ADGRL3: variants seen among roughly 807,000 people sequenced by gnomAD.
ADGRL3 encodes the protein calcium-independent alpha-latrotoxin receptor 3.
Under a neutral mutation model 153.5 loss-of-function variants are expected in ADGRL3, and 62 were observed. That is an observed-to-expected ratio of 0.40 (90% CI 0.33 to 0.50). The LOEUF (loss-of-function observed/expected upper bound fraction) is 0.50, where lower values mean the gene tolerates loss of function less well. Among genes scored for constraint, ADGRL3 ranks in the 20% least tolerant of loss-of-function variants. The probability of loss-of-function intolerance (pLI) is 0.47; values close to 1 mark genes in which losing one functional copy is unlikely to be tolerated. For missense variants in ADGRL3, 1,641 were observed against 1,859.4 expected (o/e 0.88, Z 2.16); for synonymous variants, 710 against 672.5 (o/e 1.06, Z -0.86).
intron 2 of ADGRL3, among the ~76,000 whole-genome samples, chr4:61,494,282 A>G (rs897585963): frequency 1.3e-5 from 2 of 152,128 alleles, no homozygotes; most frequent in Non-Finnish European, 2.9e-5. Flanking sequence ...TTGTGTATGC[A>G]CGTGTATGTG....
intron 9 of ADGRL3, among the ~76,000 whole-genome samples, chr4:61,835,562 A>T (rs768524433): frequency 2.0e-4 from 30 of 152,268 alleles, no homozygotes; most frequent in Non-Finnish European, 3.5e-4. Flanking sequence ...GACTTTAGCC[A>T]CATCAAGTAG....
At chr4:61,949,760 C>T (rs2098940012) in intron 17 of ADGRL3, among the ~76,000 whole-genome samples, 1 of 151,912 alleles carries the variant, frequency 6.6e-6, no homozygotes, top group African/African-American at 2.4e-5. Context: ...AAGTTAAATT[C>T]AATTTCATAT....
intron 1 of ADGRL3, among the ~76,000 whole-genome samples, chr4:61,322,732 T>C (rs2095385896): frequency 6.6e-6 from 1 of 152,236 alleles, no homozygotes; most frequent in Non-Finnish European, 1.5e-5. Context: ...GCTCCACCCC[T>C]GTGGCTTTTC....
chr4:62,006,379 G>T (rs2099159343), intron 21 of ADGRL3, among the ~76,000 whole-genome samples: 1 of 151,908 alleles, frequency 6.6e-6, no homozygotes, highest in African/African-American at 2.4e-5. Context: ...AGGGTTTTTG[G>T]CTTGGGGTAC....
chr4:61,358,745 C>T (rs1560515648), intron 1 of ADGRL3, among the ~76,000 whole-genome samples: 1 of 152,082 alleles, frequency 6.6e-6, no homozygotes, highest in Non-Finnish European at 1.5e-5. Context: ...CCTCTCTAAT[C>T]TACAAGTTTT....
At position 61,741,462 on chromosome 4, in the gene ADGRL3, C is replaced by T. The variant is rs1006480855; in HGVS notation, c.1399+7908C>T. On this transcript the variant is annotated intron_variant, in intron 8 of 26. Coordinates refer to ENST00000683033, the MANE Select transcript of ADGRL3 (RefSeq NM_001387552.1). ...TTCTCTGTCTGCAGAGGAGCCCCTT[C>T]TTTTTCTTTCCAGTGCTGCTTCTTT... Among the ~76,000 whole-genome samples the T allele has an allele frequency of 1.3e-4, 20 of 152,194 alleles. 1 individual carries two copies. The highest frequency in any genetic ancestry group is 2.4e-4 in the Non-Finnish European group (16 of 68,018).
intron 11 of ADGRL3, among the ~76,000 whole-genome samples, chr4:61,908,667 T>G (rs1209566702): frequency 1.3e-5 from 2 of 152,098 alleles, no homozygotes; most frequent in Non-Finnish European, 2.9e-5. Flanking sequence ...ATAGAGATGT[T>G]CATTATTTTT....
chr4:61,701,117 G>A (rs904265916), intron 6 of ADGRL3, among the ~76,000 whole-genome samples: 5 of 152,066 alleles, frequency 3.3e-5, no homozygotes, highest in South Asian at 2.1e-4. Flanking sequence ...GACTAAAGAA[G>A]AAAAGGTAGA....
chr4:61,645,443 T>G (rs1042587607), intron 5 of ADGRL3, among the ~76,000 whole-genome samples: 5 of 151,160 alleles, frequency 3.3e-5, no homozygotes, highest in African/African-American at 9.7e-5. Context: ...CTTTCCATGT[T>G]TAGCGCTTCC....
At chr4:61,991,902 C>G (rs1029774241) in intron 19 of ADGRL3, among the ~76,000 whole-genome samples, 2 of 147,262 alleles carry the variant, frequency 1.4e-5, no homozygotes, top group African/African-American at 2.5e-5. Context: ...TTATAAAATA[C>G]ATTTATATAT....
At chr4:61,515,703 A>G (rs1388949657) in intron 3 of ADGRL3, among the ~76,000 whole-genome samples, 2 of 152,204 alleles carry the variant, frequency 1.3e-5, no homozygotes, top group South Asian at 2.1e-4. Context: ...AGGATAATCT[A>G]TTTTGATAAG....
intron 2 of ADGRL3, among the ~76,000 whole-genome samples, chr4:61,456,478 T>C (rs868312628): frequency 7.9e-6 from 1 of 125,948 alleles, no homozygotes; most frequent in Non-Finnish European, 1.7e-5. Context: ...TATCTATATC[T>C]ATATATATAG....
chr4:61,530,931 T>A lies in ADGRL3; in HGVS notation c.259+13413T>A, dbSNP rs957810203. ...TGTGTATGTTTCTTCCTTATTTGGT[T>A]ATAAAATCCTTGAGGTAAGGACCTG... On this transcript the variant is annotated intron_variant, in intron 4 of 26. Coordinates refer to ENST00000683033, the MANE Select transcript of ADGRL3 (RefSeq NM_001387552.1). Among the ~76,000 whole-genome samples the A allele has an allele frequency of 2.6e-5, 4 of 152,322 alleles. No individual in the cohort carries two copies. In the East Asian group the frequency reaches 5.8e-4, roughly 22 times the overall value.
Position 62,031,367 on chromosome 4 carries a change from G to C in ADGRL3, c.3423-75G>C, listed in dbSNP as rs551513179. ...TTACTGTAACATTTTTTTCAGTGTC[G>C]TATTGTTGATCTGATATGGTTGTTA... On this transcript the variant is annotated intron_variant, in intron 22 of 26. Transcript: ENST00000683033. 9.1e-5 allele frequency: 110 copies of C among 1,211,590 alleles called. No homozygotes were observed. In the South Asian group the frequency reaches 1.9e-3, roughly 21 times the overall value. 75.1% of individuals were successfully genotyped at this position (1,211,590 alleles called of 1,614,324 possible).
chr4:61,303,891 A>C (rs1293661477), intron 1 of ADGRL3, among the ~76,000 whole-genome samples: 1 of 152,212 alleles, frequency 6.6e-6, no homozygotes, highest in Non-Finnish European at 1.5e-5. Flanking sequence ...GCTGTATTAA[A>C]ACTTACACAA....
At chr4:61,211,050 C>T (rs756914310) in intron 1 of ADGRL3, among the ~76,000 whole-genome samples, 1 of 152,092 alleles carries the variant, frequency 6.6e-6, no homozygotes, top group Non-Finnish European at 1.5e-5. Context: ...TATTATTTTA[C>T]GGTCATTCTA....
intron 17 of ADGRL3, among the ~76,000 whole-genome samples, chr4:61,964,585 A>C (rs970507686): frequency 6.6e-6 from 1 of 152,000 alleles, no homozygotes; most frequent in Non-Finnish European, 1.5e-5. Flanking sequence ...CAACTCTTTC[A>C]AATGTTGGTT....
At chr4:61,461,984 G>A (rs1022839064) in intron 2 of ADGRL3, among the ~76,000 whole-genome samples, 1 of 152,040 alleles carries the variant, frequency 6.6e-6, no homozygotes, top group Non-Finnish European at 1.5e-5. Context: ...AACATCTTAA[G>A]CACTTTTTAT....
chr4:61,494,499 G>T (rs2098292246), intron 2 of ADGRL3, among the ~76,000 whole-genome samples: 1 of 152,118 alleles, frequency 6.6e-6, no homozygotes, highest in Non-Finnish European at 1.5e-5. Flanking sequence ...TTTTGTGCAT[G>T]TTAAATAATG....
Sources: gnomAD v4.1 joint callset for allele counts (sites outside exome capture counted in the v4.1 genomes callset) on GRCh38, gnomAD v4.1.1 for gene constraint, MANE v1.5 for transcripts, NCBI Gene and HGNC (gene_info 2026-07-23, HGNC 2026-07-21) for gene names.